OR9Q1: variants seen among roughly 807,000 people sequenced by gnomAD.
OR9Q1 encodes the protein olfactory receptor 9Q1.
For synonymous variants in OR9Q1, 153 were observed against 148.6 expected (o/e 1.03, Z -0.22); for missense variants, 374 against 378.8 (o/e 0.99, Z 0.11).
chr11:58,174,478 AC>A (rs1157951032), intron 2 of OR9Q1, among the ~76,000 whole-genome samples: 1 of 151,880 alleles, frequency 6.6e-6, no homozygotes, highest in East Asian at 1.9e-4. Context: ...CTAACTAAGT[AC>A]CCCATGGTCA....
chr11:58,085,912 G>A (rs1340287079), intron 2 of OR9Q1, among the ~76,000 whole-genome samples: 2 of 151,858 alleles, frequency 1.3e-5, no homozygotes, highest in Admixed American at 1.3e-4. Context: ...TTAGGTAGGA[G>A]GTTATAAAGC....
intron 2 of OR9Q1, among the ~76,000 whole-genome samples, chr11:58,091,401 C>T (rs1039641860): frequency 6.6e-5 from 10 of 151,924 alleles, no homozygotes; most frequent in African/African-American, 2.4e-4. Context: ...TTTGTTATTT[C>T]CCCAGTAGTC....
At chr11:58,037,682 TATATATA>T (rs201862214) in intron 1 of OR9Q1, among the ~76,000 whole-genome samples, 423 of 10,634 alleles carry the variant, frequency 0.04, 13 homozygotes, top group East Asian at 0.16. Context: ...TATATATATA[TATATATA>T]TTTTTTTTTT....
chr11:58,133,704 G>A (rs1868881), intron 2 of OR9Q1, among the ~76,000 whole-genome samples: 42,896 of 152,080 alleles, frequency 0.28, 6,305 homozygotes, highest in Middle Eastern at 0.41. Flanking sequence ...TGAGAAAGTG[G>A]AAGAGCAAGC....
At position 58,179,639 on chromosome 11, in the gene OR9Q1, C is replaced by A; in HGVS notation, c.195C>A (p.His65Gln). Residue 65 changes from histidine (H) to glutamine (Q), a missense_variant, in exon 3 of 3, where the codon CAC becomes CAA. His to Gln is a conservative substitution (Grantham distance 24). Coordinates refer to ENST00000335397, the MANE Select transcript of OR9Q1 (RefSeq NM_001005212.4). ...LHAPMYFLLS[H>Q]LAFMDVCYSS... ...CTCCAATGTATTTCCTTCTGAGTCA[C>A]CTCGCTTTCATGGACGTCTGCTACT... 1 of 1,613,102 alleles carries A rather than the reference C, an allele frequency of 6.2e-7. No homozygotes were observed. The highest frequency in any genetic ancestry group is 8.5e-7 in the Non-Finnish European group (1 of 1,179,248).
At chr11:58,106,658 A>T (rs1853843271) in intron 2 of OR9Q1, among the ~76,000 whole-genome samples, 1 of 152,066 alleles carries the variant, frequency 6.6e-6, no homozygotes, top group Non-Finnish European at 1.5e-5. Flanking sequence ...ATCTGTTTAG[A>T]GTTAATTTTT....
At chr11:58,174,724 C>T (rs1326160292) in intron 2 of OR9Q1, among the ~76,000 whole-genome samples, 1 of 150,190 alleles carries the variant, frequency 6.7e-6, no homozygotes, top group African/African-American at 2.5e-5. Flanking sequence ...AAATTTTTCC[C>T]TTTGTTGAGG....
At chr11:58,055,087 G>T (rs1450904860) in intron 1 of OR9Q1, among the ~76,000 whole-genome samples, 1 of 152,150 alleles carries the variant, frequency 6.6e-6, no homozygotes, top group East Asian at 1.9e-4. Flanking sequence ...AAGATTCCTG[G>T]TGACATTCCT....
chr11:58,170,383 T>C (rs1285828608), intron 2 of OR9Q1, among the ~76,000 whole-genome samples: 1 of 152,086 alleles, frequency 6.6e-6, no homozygotes, highest in African/African-American at 2.4e-5. Flanking sequence ...TTATGCCCAA[T>C]GGTATAAACT....
intron 2 of OR9Q1, chr11:58,118,182 G>C (rs1853977590): frequency 4.9e-6 from 1 of 202,588 alleles, no homozygotes; most frequent in Non-Finnish European, 9.9e-6. Flanking sequence ...GGCATGAGTT[G>C]AGAGAGTATT....
intron 2 of OR9Q1, among the ~76,000 whole-genome samples, chr11:58,123,154 T>C (rs1854052791): frequency 6.6e-6 from 1 of 152,240 alleles, no homozygotes; most frequent in South Asian, 2.1e-4. Flanking sequence ...TGTCTAAAAT[T>C]ACCTCCAAGT....
chr11:58,119,416 G>C (rs201346743), intron 2 of OR9Q1: 18 of 1,611,540 alleles, frequency 1.1e-5, no homozygotes, highest in Non-Finnish European at 1.5e-5. Flanking sequence ...AATGAATTCG[G>C]TTACTCTGGT....
intron 1 of OR9Q1, among the ~76,000 whole-genome samples, chr11:58,054,887 G>A (rs1200655772): frequency 6.6e-6 from 1 of 152,214 alleles, no homozygotes; most frequent in Non-Finnish European, 1.5e-5. Context: ...TCGCACCACT[G>A]CACTCCAGCC....
rs187280853 is a variant in OR9Q1 at position 58,030,848 on chromosome 11, C to T, written c.-93+6744C>T. ...AGTGTGTTGACATCATGTTTCTCTTCTGAAGTGAAAGGCATTTTAGTACAA... is the reference window on the plus strand; with the variant it reads ...AGTGTGTTGACATCATGTTTCTCTTTTGAAGTGAAAGGCATTTTAGTACAA... On this transcript the variant is annotated intron_variant, in intron 1 of 2. Transcript: ENST00000335397. The T allele has an allele frequency of 1.1e-4, 78 of 715,880 alleles. 1 individual carries two copies. In the East Asian group the frequency reaches 1.9e-3, roughly 18 times the overall value. 44.3% of individuals were successfully genotyped at this position (715,880 alleles called of 1,614,324 possible).
intron 2 of OR9Q1, among the ~76,000 whole-genome samples, chr11:58,155,349 A>G (rs1245239258): frequency 6.6e-6 from 1 of 151,864 alleles, no homozygotes; most frequent in Non-Finnish European, 1.5e-5. Flanking sequence ...GGCAATACTT[A>G]GGCTGGTATT....
chr11:58,118,533 G>C lies in OR9Q1; in HGVS notation c.-14-60898G>C, dbSNP rs368868026. 2.5e-6 allele frequency: 4 copies of C among 1,611,636 alleles called. No individual in the cohort carries two copies. The African/African-American group carries it at 4.0e-5, about 16-fold the overall frequency. ...TCAGGGACACCTGGAGTCTCCTAGCGACCTTTCTGAAGGCGTCTTTTACAT... is the reference window on the plus strand; with the variant it reads ...TCAGGGACACCTGGAGTCTCCTAGCCACCTTTCTGAAGGCGTCTTTTACAT... On this transcript the variant is annotated intron_variant, in intron 2 of 2. Transcript: ENST00000335397.
chr11:58,028,951 T>C (rs981876225), intron 1 of OR9Q1, among the ~76,000 whole-genome samples: 3 of 152,230 alleles, frequency 2.0e-5, no homozygotes, highest in Admixed American at 6.5e-5. Context: ...TGGATTCAAA[T>C]TCCAGTTCAG....
chr11:58,119,148 G>C, intron 2 of OR9Q1: 1 of 1,614,006 alleles, frequency 6.2e-7, no homozygotes, highest in Non-Finnish European at 8.5e-7. Context: ...AAAAGAACTG[G>C]GCAGCACAGT....
intron 1 of OR9Q1, among the ~76,000 whole-genome samples, chr11:58,028,676 C>T (rs1180124247): frequency 1.3e-5 from 2 of 152,096 alleles, no homozygotes; most frequent in Admixed American, 1.3e-4. Context: ...GTGGAAATTG[C>T]ATCCTGAAAT....
Sources: gnomAD v4.1 joint callset for allele counts (sites outside exome capture counted in the v4.1 genomes callset) on GRCh38, gnomAD v4.1.1 for gene constraint, MANE v1.5 for transcripts, NCBI Gene and HGNC (gene_info 2026-07-23, HGNC 2026-07-21) for gene names.